The following HMGCLL1 variants were observed in gnomAD, a reference collection of about 807,000 sequenced individuals.
The protein encoded by HMGCLL1 is 3-hydroxymethyl-3-methylglutaryl-CoA lyase, cytoplasmic.
HMGCLL1 carries 36 observed loss-of-function variants against 39.1 expected under a neutral mutation model. The observed-to-expected ratio is 0.92, with a 90% CI of 0.71 to 1.22. The LOEUF is 1.22. Ranked by LOEUF, HMGCLL1 falls within the 50% of genes most tolerant of loss-of-function variation. HMGCLL1 has a pLI of 0.00. For missense variants in HMGCLL1, 451 were observed against 416.5 expected, an observed-to-expected ratio of 1.08 and a Z score of -0.72; for synonymous variants, 149 against 144.0, an observed-to-expected ratio of 1.03 and a Z score of -0.25.
intron 7 of HMGCLL1, among the ~76,000 whole-genome samples, chr6:55,445,123 A>T (rs1342622886): frequency 6.6e-6 from 1 of 152,058 alleles, no homozygotes; most frequent in Non-Finnish European, 1.5e-5. Context: ...ATTCCCTTTA[A>T]AGTCTCTCTT....
the HMGCLL1 span, among the ~76,000 whole-genome samples, chr6:55,610,101 C>T: frequency 6.6e-6 from 1 of 152,008 alleles, no homozygotes; most frequent in East Asian, 1.9e-4. Context: ...ATGCTGAAAA[C>T]CCAAAATGTC....
At chr6:55,587,745 G>T in the HMGCLL1 span, among the ~76,000 whole-genome samples, 2 of 152,026 alleles carry the variant, frequency 1.3e-5, no homozygotes, top group Non-Finnish European at 1.5e-5. Flanking sequence ...AAAGGCAGGG[G>T]TTGCAATCCT....
chr6:55,632,764 C>T, the HMGCLL1 span, among the ~76,000 whole-genome samples: 2 of 152,032 alleles, frequency 1.3e-5, no homozygotes, highest in East Asian at 3.9e-4. Context: ...TAAAGGTTAC[C>T]ATGCCTGGTA....
the HMGCLL1 span, among the ~76,000 whole-genome samples, chr6:55,627,754 T>C: frequency 6.9e-6 from 1 of 145,946 alleles, no homozygotes; most frequent in East Asian, 2.0e-4. Context: ...GGATGCTTCC[T>C]GCCCTTGAAC....
the HMGCLL1 span, among the ~76,000 whole-genome samples, chr6:55,652,035 G>A: frequency 3.3e-5 from 5 of 152,040 alleles, no homozygotes; most frequent in Non-Finnish European, 7.4e-5. Flanking sequence ...TTAGTGATAT[G>A]AAGTTAAAAC....
chr6:55,616,818 T>A, the HMGCLL1 span, among the ~76,000 whole-genome samples: 1 of 151,908 alleles, frequency 6.6e-6, no homozygotes, highest in East Asian at 1.9e-4. Context: ...ATTATGAAAC[T>A]TAGTTATGTC....
At chr6:55,543,566 TTATATATA>T (rs1293217533) in intron 1 of HMGCLL1, among the ~76,000 whole-genome samples, 6 of 117,148 alleles carry the variant, frequency 5.1e-5, no homozygotes, top group Non-Finnish European at 1.0e-4. Flanking sequence ...TTATATATTT[TTATATATA>T]TTTATATATT....
At chr6:55,650,110 T>TATATATATATATATACACACACATATAC in the HMGCLL1 span, among the ~76,000 whole-genome samples, 6 of 74,504 alleles carry the variant, frequency 8.1e-5, no homozygotes, top group East Asian at 4.8e-3. Context: ...TATATATATA[T>TATATATATATATATACACACACATATAC]ATATATATAT....
At chr6:55,497,477 G>T (rs1266948451) in intron 6 of HMGCLL1, among the ~76,000 whole-genome samples, 2 of 152,128 alleles carry the variant, frequency 1.3e-5, no homozygotes, top group East Asian at 3.9e-4. Flanking sequence ...TTTATGGCAG[G>T]TGCTGTGCTA....
At chr6:55,481,501 T>A (rs189520988) in intron 7 of HMGCLL1, among the ~76,000 whole-genome samples, 8 of 152,118 alleles carry the variant, frequency 5.3e-5, no homozygotes, top group Non-Finnish European at 1.0e-4. Context: ...AATCAAAATA[T>A]CTCATGTATC....
intron 3 of HMGCLL1, among the ~76,000 whole-genome samples, chr6:55,532,693 T>A (rs1581908259): frequency 6.6e-6 from 1 of 151,632 alleles, no homozygotes; most frequent in South Asian, 2.1e-4. Flanking sequence ...CCCAGCTACT[T>A]GAGAGGCTGA....
chr6:55,614,660 T>C, the HMGCLL1 span, among the ~76,000 whole-genome samples: 7 of 152,182 alleles, frequency 4.6e-5, no homozygotes, highest in African/African-American at 1.4e-4. Context: ...GTAACACTTA[T>C]ATTTTTGTTC....
chr6:55,440,602 T>C (rs887598303), intron 7 of HMGCLL1, among the ~76,000 whole-genome samples: 1 of 152,070 alleles, frequency 6.6e-6, no homozygotes, highest in Non-Finnish European at 1.5e-5. Flanking sequence ...AATCAGAAGA[T>C]ACAGTAAAGC....
chr6:55,602,071 T>C, the HMGCLL1 span, among the ~76,000 whole-genome samples: 1 of 152,072 alleles, frequency 6.6e-6, no homozygotes, highest in African/African-American at 2.4e-5. Context: ...CTCTCAGATT[T>C]TTTCTTTGGC....
chr6:55,594,815 A>T, the HMGCLL1 span, among the ~76,000 whole-genome samples: 104 of 152,278 alleles, frequency 6.8e-4, no homozygotes, highest in African/African-American at 2.5e-3. Flanking sequence ...CAGGACACGA[A>T]TCCTCTTAGT....
At chr6:55,491,157 G>C (rs116250246) in intron 7 of HMGCLL1, among the ~76,000 whole-genome samples, 1 of 152,014 alleles carries the variant, frequency 6.6e-6, no homozygotes, top group East Asian at 1.9e-4. Context: ...GAAACAAAGA[G>C]GTTTATCTGG....
the HMGCLL1 span, among the ~76,000 whole-genome samples, chr6:55,664,845 A>AC: frequency 6.6e-6 from 1 of 151,664 alleles, no homozygotes; most frequent in East Asian, 1.9e-4. Context: ...TGGCCTCTTC[A>AC]CACATATGGC....
intron 1 of HMGCLL1, among the ~76,000 whole-genome samples, chr6:55,572,157 T>C (rs1771531185): frequency 1.3e-5 from 2 of 152,074 alleles, no homozygotes; most frequent in Admixed American, 6.5e-5. Context: ...AGTAAAGTGA[T>C]AAACTGTAGG....
chr6:55,551,058 T>A (rs4301299), intron 1 of HMGCLL1, among the ~76,000 whole-genome samples: 97,383 of 146,916 alleles, frequency 0.66, 32,628 homozygotes, highest in Non-Finnish European at 0.72. Flanking sequence ...AAAAAAAAAA[T>A]AAACCACAAG....
Sources: gnomAD v4.1 joint callset for allele counts (sites outside exome capture counted in the v4.1 genomes callset) on GRCh38, gnomAD v4.1.1 for gene constraint, MANE v1.5 for transcripts, NCBI Gene and HGNC (gene_info 2026-07-23, HGNC 2026-07-21) for gene names.